OBI1: variants seen among roughly 807,000 people sequenced by gnomAD.
The protein encoded by OBI1 is ORC ubiquitin ligase 1.
OBI1 carries 59 observed loss-of-function variants against 62.4 expected under a neutral mutation model. The observed-to-expected ratio is 0.95, with a 90% CI of 0.77 to 1.17. The LOEUF (loss-of-function observed/expected upper bound fraction) is 1.17, where lower values mean the gene tolerates loss of function less well. Ranked by LOEUF, OBI1 falls within the 50% of genes most tolerant of loss-of-function variation. OBI1 has a pLI of 0.00. For synonymous variants in OBI1, 302 were observed against 292.8 expected, an observed-to-expected ratio of 1.03 and a Z score of -0.32; for missense variants, 875 against 830.9, an observed-to-expected ratio of 1.05 and a Z score of -0.65.
At chr13:78,623,213 A>G (rs1288482665) in intron 5 of OBI1, among the ~76,000 whole-genome samples, 1 of 151,698 alleles carries the variant, frequency 6.6e-6, no homozygotes, top group Non-Finnish European at 1.5e-5. Flanking sequence ...GGTCAATCCT[A>G]GTCACACGCG....
At position 78,622,279 on chromosome 13, in the gene OBI1, C is replaced by CA. The variant is rs111480776; in HGVS notation, c.639-5158dup. Among the ~76,000 whole-genome samples the CA allele has an allele frequency of 8.0e-3, 1,181 of 147,734 alleles. 65 individuals are homozygous for CA. Among genetic ancestry groups the CA allele is most frequent in the Admixed American group, 0.066 (982 of 14,784 alleles). ...GCGACATAATGAGATCATGTCTCTCCAAAAAAAAAAATATATATCAGGCAC... is the reference window on the plus strand; with the variant it reads ...GCGACATAATGAGATCATGTCTCTCCAAAAAAAAAAAATATATATCAGGCAC... On this transcript the variant is annotated intron_variant, in intron 5 of 5. Transcript: ENST00000282003.
intron 5 of OBI1, 26 bp downstream of exon 5, chr13:78,635,084 C>CA: frequency 2.9e-6 from 4 of 1,383,482 alleles, no homozygotes; most frequent in Non-Finnish European, 4.1e-6. Context: ...TAATCTGAAG[C>CA]ATTGCTCTGG....
At chr13:78,618,079 T>C (rs537633825) in intron 5 of OBI1, among the ~76,000 whole-genome samples, 2 of 152,072 alleles carry the variant, frequency 1.3e-5, no homozygotes, top group Non-Finnish European at 2.9e-5. Flanking sequence ...CCAAGGGACA[T>C]AAAATATCTA....
intron 5 of OBI1, among the ~76,000 whole-genome samples, chr13:78,621,854 T>C (rs546977861): frequency 1.3e-5 from 2 of 152,134 alleles, no homozygotes; most frequent in Non-Finnish European, 2.9e-5. Context: ...ATGCTGGAAG[T>C]TGATGCAAAC....
intron 3 of OBI1, among the ~76,000 whole-genome samples, chr13:78,640,694 A>T (rs1424658974): frequency 1.3e-5 from 2 of 152,022 alleles, no homozygotes; most frequent in Non-Finnish European, 2.9e-5. Flanking sequence ...CAGCTACTTG[A>T]GAGGCTGAGG....
intron 1 of OBI1, among the ~76,000 whole-genome samples, chr13:78,653,504 G>A (rs1011645056): frequency 3.9e-5 from 6 of 152,216 alleles, no homozygotes; most frequent in South Asian, 2.1e-4. Context: ...AAATGGTAGA[G>A]CTAGCATTTG....
intron 3 of OBI1, among the ~76,000 whole-genome samples, chr13:78,640,987 T>C (rs968867865): frequency 2.0e-5 from 3 of 152,106 alleles, no homozygotes; most frequent in African/African-American, 7.2e-5. Flanking sequence ...TTGCAAGTAT[T>C]AGCCTTCCCA....
chr13:78,619,123 C>A (rs999433737), intron 5 of OBI1, among the ~76,000 whole-genome samples: 1 of 151,928 alleles, frequency 6.6e-6, no homozygotes, highest in Non-Finnish European at 1.5e-5. Context: ...AATCAAATGA[C>A]TTAAAATCAA....
chr13:78,618,053 A>G (rs1013711801), intron 5 of OBI1, among the ~76,000 whole-genome samples: 1 of 152,172 alleles, frequency 6.6e-6, no homozygotes, highest in Admixed American at 6.6e-5. Flanking sequence ...CAAAAGATAA[A>G]AAAGACTGTC....
At chr13:78,617,845 A>AT (rs202099551) in intron 5 of OBI1, among the ~76,000 whole-genome samples, 32 of 151,772 alleles carry the variant, frequency 2.1e-4, no homozygotes, top group South Asian at 1.0e-3. Flanking sequence ...AAAAAAAAAA[A>AT]TTTTTTTGTA....
At chr13:78,624,419 A>G (rs554369908) in intron 5 of OBI1, among the ~76,000 whole-genome samples, 2 of 152,214 alleles carry the variant, frequency 1.3e-5, no homozygotes, top group Non-Finnish European at 2.9e-5. Context: ...TTTCAAATGA[A>G]GAGCAGGGTT....
chr13:78,625,327 A>G (rs1875633848), intron 5 of OBI1, among the ~76,000 whole-genome samples: 1 of 152,252 alleles, frequency 6.6e-6, no homozygotes, highest in African/African-American at 2.4e-5. Flanking sequence ...TCTCTGGATT[A>G]GTATCTACCT....
At chr13:78,623,551 G>C (rs1593787105) in intron 5 of OBI1, among the ~76,000 whole-genome samples, 1 of 152,266 alleles carries the variant, frequency 6.6e-6, no homozygotes, top group East Asian at 1.9e-4. Flanking sequence ...TTAGCAGCAG[G>C]AATAGGATTT....
At chr13:78,625,089 T>C (rs967040595) in intron 5 of OBI1, among the ~76,000 whole-genome samples, 6 of 152,192 alleles carry the variant, frequency 3.9e-5, no homozygotes, top group Non-Finnish European at 8.8e-5. Flanking sequence ...TCCCCTCTGC[T>C]CCCTTCAACC....
rs1473565638 is a variant in OBI1, at chr13:78,614,900, T to G, written c.*680A>C. 2 of 152,216 alleles carry G rather than the reference T, an allele frequency of 1.3e-5. No individual in the cohort carries two copies. The highest frequency in any genetic ancestry group is 2.9e-5 in the Non-Finnish European group (2 of 68,032). The allele number at this position is 152,216 out of a possible 1,614,324, so 9.4% of individuals were successfully genotyped here. A position where few individuals can be genotyped will look rare whatever the true frequency, so the allele number is the denominator to read the frequency against. On this transcript the variant is annotated 3_prime_UTR_variant, in exon 6 of 6. Transcript: ENST00000282003. ...CAAATGTCTTCATATAGAAAATGTT[T>G]TCTTTCATACTAGCAGAACATTTTC... is the stretch of plus-strand genomic sequence containing the variant.
chr13:78,618,798 T>A (rs1875413049), intron 5 of OBI1, among the ~76,000 whole-genome samples: 1 of 152,182 alleles, frequency 6.6e-6, no homozygotes, highest in East Asian at 1.9e-4. Context: ...TGTATTTGGT[T>A]AAATGAATGA....
Position 78,615,965 on chromosome 13 carries a change from T to A in OBI1, c.1796A>T (p.Asp599Val), listed in dbSNP as rs771979509. ...CCATTCACTTCCATTTTCTAACTGA[T>A]CATTAGTTAGAGAACCTTTGGAAAG... ...LNLSKGSLTN[D>V]QLENGSEWKP... The change falls in exon 6 of 6, where the codon GAT becomes GTT. Residue 599 changes from aspartate to valine, a missense_variant. Coordinates refer to ENST00000282003, the MANE Select transcript of OBI1 (RefSeq NM_024546.4). The A allele has an allele frequency of 9.9e-6, 16 of 1,613,740 alleles. No homozygotes were observed. Among genetic ancestry groups the A allele is most frequent in the South Asian group, 2.2e-5 (2 of 91,012 alleles).
chr13:78,637,031 TGCC>T (rs1197396595), intron 4 of OBI1, among the ~76,000 whole-genome samples: 1 of 152,234 alleles, frequency 6.6e-6, no homozygotes, highest in Non-Finnish European at 1.5e-5. Flanking sequence ...GGCAGAGTTC[TGCC>T]TACCTTTTGC....
intron 5 of OBI1, among the ~76,000 whole-genome samples, chr13:78,630,433 G>C (rs568020251): frequency 6.6e-6 from 1 of 151,984 alleles, no homozygotes; most frequent in Non-Finnish European, 1.5e-5. Context: ...TCATGTTTTA[G>C]GATGCATTTC....
Sources: gnomAD v4.1 joint callset for allele counts (sites outside exome capture counted in the v4.1 genomes callset) on GRCh38, gnomAD v4.1.1 for gene constraint, MANE v1.5 for transcripts, NCBI Gene and HGNC (gene_info 2026-07-23, HGNC 2026-07-21) for gene names.